Variants in ABCB10 observed in about 807,000 individuals in gnomAD.
The protein encoded by ABCB10 is ATP binding cassette subfamily B member 10, also known as ATP-binding cassette sub-family B member 10, mitochondrial.
ABCB10 carries 54 observed loss-of-function variants against 65.4 expected under a neutral mutation model. The observed-to-expected ratio is 0.83, with a 90% CI of 0.66 to 1.04. The LOEUF is 1.04. ABCB10 is among the 50% of genes least tolerant of loss of function. ABCB10 has a pLI of 0.00. For synonymous variants in ABCB10, 418 were observed against 406.5 expected (o/e 1.03, Z -0.34); for missense variants, 846 against 976.6 (o/e 0.87, Z 1.78).
At chr1:229,545,796 C>T (rs1022876635) in intron 3 of ABCB10, among the ~76,000 whole-genome samples, 1 of 152,170 alleles carries the variant, frequency 6.6e-6, no homozygotes, top group Non-Finnish European at 1.5e-5. Context: ...GATTTTCTTC[C>T]ATCTCTGCCA....
At chr1:229,526,562 C>G (rs1411598675) in intron 9 of ABCB10, among the ~76,000 whole-genome samples, 2 of 152,206 alleles carry the variant, frequency 1.3e-5, no homozygotes, top group Non-Finnish European at 2.9e-5. Context: ...CACTGATGTC[C>G]CTACACTCCT....
At position 229,541,474 on chromosome 1, in the gene ABCB10, G is replaced by C. The variant is rs149115611; in HGVS notation, c.1057-722C>G. On this transcript the variant is annotated intron_variant, in intron 4 of 12. Transcript: ENST00000344517. Reference sequence around the variant, plus strand: ...ACTCCTGACCTCAGGTGATCCACCTGCCTTGGCCTCCCAATGTGCTGGGAT... The same window carrying C: ...ACTCCTGACCTCAGGTGATCCACCTCCCTTGGCCTCCCAATGTGCTGGGAT... 3.2e-3 allele frequency among the ~76,000 whole-genome samples: 490 copies of C among 152,308 alleles called. 1 individual carries two copies. The highest frequency in any genetic ancestry group is 0.018 in the South Asian group (87 of 4,830).
chr1:229,533,801 C>T (rs1662642264), intron 6 of ABCB10, among the ~76,000 whole-genome samples: 1 of 152,092 alleles, frequency 6.6e-6, no homozygotes, highest in South Asian at 2.1e-4. Context: ...GAATTACAGA[C>T]CTAATGTAAA....
intron 1 of ABCB10, among the ~76,000 whole-genome samples, chr1:229,556,874 A>G (rs1408087793): frequency 6.6e-6 from 1 of 152,218 alleles, no homozygotes; most frequent in Non-Finnish European, 1.5e-5. Context: ...TGCCGTGCAC[A>G]TGCTAAGAAC....
intron 8 of ABCB10, among the ~76,000 whole-genome samples, chr1:229,528,930 T>C (rs1662504982): frequency 6.6e-6 from 1 of 152,130 alleles, no homozygotes; most frequent in Non-Finnish European, 1.5e-5. Flanking sequence ...TCATGTGCTC[T>C]TTGCTCTTAA....
chr1:229,519,851 T>C (rs1243796732), intron 11 of ABCB10, among the ~76,000 whole-genome samples: 1 of 151,404 alleles, frequency 6.6e-6, no homozygotes, highest in Non-Finnish European at 1.5e-5. Context: ...TAAGGCTGAG[T>C]ACGGTGGCTC....
intron 1 of ABCB10, among the ~76,000 whole-genome samples, chr1:229,552,206 T>C (rs1663134648): frequency 6.6e-6 from 1 of 152,214 alleles, no homozygotes; most frequent in African/African-American, 2.4e-5. Flanking sequence ...AAGTAAAATA[T>C]TTTTTGGCTT....
In ABCB10 at chr1:229,518,158, T is replaced by C. The variant is rs747098205; in HGVS notation, c.*21A>G. The C allele has an allele frequency of 6.4e-7, 1 of 1,573,438 alleles. No homozygotes were observed. Among genetic ancestry groups the C allele is most frequent in the South Asian group, 1.1e-5 (1 of 90,018 alleles). On this transcript the variant is annotated 3_prime_UTR_variant, in exon 13 of 13. Transcript: ENST00000344517. Reference sequence around the variant, plus strand: ...ACTGTTTTGCATTAAAGTCTCATATTGTTTACCAGTAATTGCTTCCTTATG... The same window carrying C: ...ACTGTTTTGCATTAAAGTCTCATATCGTTTACCAGTAATTGCTTCCTTATG...
In ABCB10 at chr1:229,549,435, C is replaced by A. The variant is rs1443310836; in HGVS notation, c.518-1G>T. On this transcript the variant is annotated splice_acceptor_variant, in intron 1 of 12. Transcript: ENST00000344517. LOFTEE classifies it high-confidence loss of function. ...GACATCGTGAGAAATCCAACCGCAG[C>A]TAGAAAACACAAGCACTCTCAATGT... 6.2e-7 allele frequency: 1 copy of A among 1,612,456 alleles called. No individual in the cohort carries two copies. The highest frequency in any genetic ancestry group is 1.3e-5 in the African/African-American group (1 of 74,898).
chr1:229,558,510 G>T lies in ABCB10; in HGVS notation c.143C>A (p.Pro48Gln). The T allele has an allele frequency of 7.2e-7, 1 of 1,390,186 alleles. No homozygotes were observed. Among genetic ancestry groups the T allele is most frequent in the South Asian group, 1.4e-5 (1 of 69,374 alleles). 86.1% of individuals were successfully genotyped at this position (1,390,186 alleles called of 1,614,324 possible). Residue 48 changes from proline to glutamine, a missense_variant, in exon 1 of 13, where the codon CCG becomes CAG. Pro to Gln is a moderately conservative substitution (Grantham distance 76). Around this residue, in one of 2 missense-constraint regions of ABCB10, gnomAD observed 214 missense variants for 173.5 expected, o/e 1.23. Transcript: ENST00000344517. Reference sequence around the variant, plus strand: ...GGGCCCCGCGCCCCATAGCCGCGCCGGCCTCAGGCCAGTGAACGGCGATAG... The same window carrying T: ...GGGCCCCGCGCCCCATAGCCGCGCCTGCCTCAGGCCAGTGAACGGCGATAG... ...GSLSPFTGLR[P>Q]ARLWGAGPAL...
chr1:229,527,863 C>T (rs1662482524), intron 8 of ABCB10, among the ~76,000 whole-genome samples: 1 of 152,200 alleles, frequency 6.6e-6, no homozygotes, highest in Admixed American at 6.5e-5. Context: ...TCTATTTTGT[C>T]ATTCCTGCCA....
At chr1:229,551,772 C>A (rs1663123373) in intron 1 of ABCB10, among the ~76,000 whole-genome samples, 1 of 152,224 alleles carries the variant, frequency 6.6e-6, no homozygotes. Flanking sequence ...TTCCGAGTAC[C>A]TCAGCCTCGA....
In ABCB10 at chr1:229,539,581, G is replaced by A; in HGVS notation, c.1214C>T (p.Ser405Phe). The change falls in exon 6 of 13, where the codon TCC (serine) becomes TTC (phenylalanine). Residue 405 changes from serine to phenylalanine, a missense_variant. By Grantham distance (155) the Ser-to-Phe change is radical. Around this residue, in one of 2 missense-constraint regions of ABCB10, gnomAD observed 632 missense variants for 803.2 expected, o/e 0.79. Transcript: ENST00000344517. ...RAGFFGATGL[S>F]GNLIVLSVLY... ...GACAGAAAGCACGATCAGGTTTCCG[G>A]AGAGCCCAGTCTGTCGAATGAAGAA... is the stretch of plus-strand genomic sequence containing the variant. 1 of 1,613,512 alleles carries A rather than the reference G, an allele frequency of 6.2e-7. No individual in the cohort carries two copies. The highest frequency in any genetic ancestry group is 8.5e-7 in the Non-Finnish European group (1 of 1,179,902).
intron 6 of ABCB10, among the ~76,000 whole-genome samples, chr1:229,533,344 C>T (rs1662630951): frequency 6.6e-6 from 1 of 151,538 alleles, no homozygotes; most frequent in Non-Finnish European, 1.5e-5. Context: ...GGCTGGTCTC[C>T]AACTCCCAAC....
intron 6 of ABCB10, among the ~76,000 whole-genome samples, chr1:229,532,962 A>C (rs1201633676): frequency 6.6e-6 from 1 of 152,174 alleles, no homozygotes; most frequent in Non-Finnish European, 1.5e-5. Context: ...TAAACATTCC[A>C]GCAATCTCTT....
At chr1:229,519,582 GT>G (rs1275409556) in intron 11 of ABCB10, among the ~76,000 whole-genome samples, 1 of 152,212 alleles carries the variant, frequency 6.6e-6, no homozygotes, top group Non-Finnish European at 1.5e-5. Flanking sequence ...GAGGTCAGGA[GT>G]TTGGGACTAG....
At chr1:229,540,778 G>A (rs1277884838) in intron 4 of ABCB10, 26 bp from the exon 5 acceptor site, 1 of 1,596,688 alleles carries the variant, frequency 6.3e-7, no homozygotes, top group Non-Finnish European at 8.5e-7. Flanking sequence ...ATACATTTCA[G>A]GAGGAGAAGG....
chr1:229,538,885 A>G (rs1662778866), intron 6 of ABCB10, among the ~76,000 whole-genome samples: 2 of 152,226 alleles, frequency 1.3e-5, no homozygotes, highest in Non-Finnish European at 2.9e-5. Flanking sequence ...TCCCAAGTTG[A>G]CTGGGGATGC....
chr1:229,536,626 C>G (rs1196882336), intron 6 of ABCB10, among the ~76,000 whole-genome samples: 1 of 152,172 alleles, frequency 6.6e-6, no homozygotes, highest in African/African-American at 2.4e-5. Context: ...AATGCAATCT[C>G]TCGCTATAAT....
Sources: gnomAD v4.1 joint callset for allele counts (sites outside exome capture counted in the v4.1 genomes callset) on GRCh38, gnomAD v4.1.1 for gene constraint, gnomAD v4.1.1 regional missense constraint, MANE v1.5 for transcripts, NCBI Gene and HGNC (gene_info 2026-07-23, HGNC 2026-07-21) for gene names.